SH3D19: variants seen among roughly 807,000 people sequenced by gnomAD.
SH3D19 encodes SH3 domain-containing protein 19.
SH3D19 carries 58 observed loss-of-function variants against 112.1 expected under a neutral mutation model. That is an observed-to-expected ratio of 0.52 (90% CI 0.42 to 0.64). SH3D19 has a LOEUF of 0.64. SH3D19 is among the 30% of genes least tolerant of loss of function. The pLI is 0.00. For missense variants in SH3D19, 1,090 were observed against 1,263.4 expected, an observed-to-expected ratio of 0.86 and a Z score of 2.08; for synonymous variants, 391 against 448.5, an observed-to-expected ratio of 0.87 and a Z score of 1.62.
At chr4:151,187,060 C>T (rs1269906896) in intron 3 of SH3D19, among the ~76,000 whole-genome samples, 2 of 151,778 alleles carry the variant, frequency 1.3e-5, no homozygotes, top group Non-Finnish European at 2.9e-5. Context: ...TCCCAAAGTG[C>T]TGGGATTACA....
intron 1 of SH3D19, among the ~76,000 whole-genome samples, chr4:151,270,283 CTGAA>C (rs1244941752): frequency 6.6e-6 from 1 of 152,098 alleles, no homozygotes; most frequent in Non-Finnish European, 1.5e-5. Flanking sequence ...TGAGTTTCTC[CTGAA>C]TGGTTTATTA....
intron 7 of SH3D19, among the ~76,000 whole-genome samples, chr4:151,171,661 T>G (rs1380000529): frequency 6.6e-6 from 1 of 152,204 alleles, no homozygotes; most frequent in African/African-American, 2.4e-5. Flanking sequence ...CCATTACCTG[T>G]CTCTAATAAT....
chr4:151,300,376 A>C (rs1322727428), intron 1 of SH3D19: 1 of 152,212 alleles, frequency 6.6e-6, no homozygotes, highest in Non-Finnish European at 1.5e-5. Context: ...AAAAACATTT[A>C]GCAAATACTG....
chr4:151,196,552 ATTT>A (rs1357833572), intron 2 of SH3D19, among the ~76,000 whole-genome samples: 1 of 152,084 alleles, frequency 6.6e-6, no homozygotes, highest in Admixed American at 6.5e-5. Context: ...AAAATCTGCT[ATTT>A]ATAGTATTAG....
At chr4:151,168,515 G>C (rs2407438) in intron 7 of SH3D19, among the ~76,000 whole-genome samples, 108,412 of 151,694 alleles carry the variant, frequency 0.71, 43,880 homozygotes, top group Non-Finnish European at 0.91. Context: ...ACTCATTGCA[G>C]CCTCAACCTC....
intron 1 of SH3D19, among the ~76,000 whole-genome samples, chr4:151,236,204 C>T (rs1341100980): frequency 6.6e-6 from 1 of 152,252 alleles, no homozygotes; most frequent in Non-Finnish European, 1.5e-5. Flanking sequence ...TGGGGCTGGC[C>T]GAGGCCAGAG....
intron 18 of SH3D19, 96 bp from the exon 19 acceptor site, chr4:151,127,811 CACAG>C: frequency 1.6e-6 from 1 of 616,706 alleles, no homozygotes; most frequent in Non-Finnish European, 2.6e-6. Flanking sequence ...GCTCTAAAAA[CACAG>C]TATCTTCTCT....
rs1489752895 is a variant in SH3D19, at chr4:151,128,157, G to A, written c.2929+13C>T. On this transcript the variant is annotated intron_variant, in intron 18 of 19. Coordinates refer to ENST00000604030, the MANE Select transcript of SH3D19 (RefSeq NM_001378122.1). ...CCGTGAGGAGTCGCATTCATGTCTT[G>A]CGGTTGTCATACCTGGGCAGGGCCT... The A allele has an allele frequency of 1.9e-6, 3 of 1,582,666 alleles. No homozygotes were observed. The highest frequency in any genetic ancestry group is 1.4e-5 in the African/African-American group (1 of 73,758).
intron 17 of SH3D19, among the ~76,000 whole-genome samples, chr4:151,130,755 G>C (rs890283548): frequency 6.6e-6 from 1 of 152,052 alleles, no homozygotes; most frequent in Non-Finnish European, 1.5e-5. Context: ...GCCTGGCCAA[G>C]ACGGTAAAAC....
At chr4:151,291,552 T>A (rs13102005) in intron 1 of SH3D19, 315,295 of 774,128 alleles carry the variant, frequency 0.41, 66,435 homozygotes, top group Admixed American at 0.44. Flanking sequence ...GGGGTTGGAA[T>A]GTGAAGAGTT....
Position 151,278,453 on chromosome 4 carries a change from G to GA in SH3D19, c.112+46787dup, listed in dbSNP as rs375077069. ...CTGTTGTGTTTGTGGCCCAAAAGAAGAAAAAAAAAACCCTGACTAGTATTT... is the reference window on the plus strand; with the variant it reads ...CTGTTGTGTTTGTGGCCCAAAAGAAGAAAAAAAAAAACCCTGACTAGTATTT... On this transcript the variant is annotated intron_variant, in intron 1 of 19. Transcript: ENST00000604030. Among the ~76,000 whole-genome samples, 839 of 141,942 alleles carry GA rather than the reference G, an allele frequency of 5.9e-3. 2 individuals carry two copies. Among genetic ancestry groups the GA allele is most frequent in the African/African-American group, 0.019 (751 of 38,624 alleles). The allele number at this position is 141,942 out of a possible 152,430, so 93.1% of individuals were successfully genotyped here. A position where few individuals can be genotyped will look rare whatever the true frequency, so the allele number is the denominator to read the frequency against.
At chr4:151,241,786 G>A (rs1770579047) in intron 1 of SH3D19, among the ~76,000 whole-genome samples, 1 of 151,956 alleles carries the variant, frequency 6.6e-6, no homozygotes. Context: ...GATTAAATGA[G>A]TGAATGGTTG....
intron 9 of SH3D19, among the ~76,000 whole-genome samples, chr4:151,158,563 G>A (rs1488194656): frequency 6.6e-6 from 1 of 151,858 alleles, no homozygotes; most frequent in East Asian, 1.9e-4. Flanking sequence ...GCCTCCCAAA[G>A]TGCTGGGATT....
intron 2 of SH3D19, among the ~76,000 whole-genome samples, chr4:151,203,127 G>A (rs547113888): frequency 6.6e-6 from 1 of 152,230 alleles, no homozygotes; most frequent in African/African-American, 2.4e-5. Context: ...CATTCCCACA[G>A]GCCACAGTCC....
At chr4:151,128,820 AT>A (rs1227677776) in intron 17 of SH3D19, among the ~76,000 whole-genome samples, 1 of 151,804 alleles carries the variant, frequency 6.6e-6, no homozygotes, top group Non-Finnish European at 1.5e-5. Flanking sequence ...ATTTTATTTT[AT>A]TTTTGCAGAA....
chr4:151,212,586 T>C (rs538333407), intron 2 of SH3D19, among the ~76,000 whole-genome samples: 1 of 152,352 alleles, frequency 6.6e-6, no homozygotes, highest in East Asian at 1.9e-4. Flanking sequence ...TCTTGAGACC[T>C]ATTGCTCAGG....
At chr4:151,274,838 G>C (rs751143602) in intron 1 of SH3D19, among the ~76,000 whole-genome samples, 7 of 152,150 alleles carry the variant, frequency 4.6e-5, no homozygotes, top group Admixed American at 6.5e-5. Flanking sequence ...CAAGATCAAG[G>C]TATCAGCATG....
At chr4:151,154,425 C>T (rs191800909) in intron 9 of SH3D19, among the ~76,000 whole-genome samples, 7 of 146,776 alleles carry the variant, frequency 4.8e-5, no homozygotes, top group East Asian at 2.0e-4. Flanking sequence ...TGAACCATTG[C>T]GCCCGGCCCA....
rs148049644 is a variant in SH3D19, at chr4:151,244,324, C to G, written c.113-18238G>C. On this transcript the variant is annotated intron_variant, in intron 1 of 19. Coordinates refer to ENST00000604030, the MANE Select transcript of SH3D19 (RefSeq NM_001378122.1). ...TTAGTATATGAATTTGGAGAACAAG[C>G]CTTTAGATTTTAGAGAAATTGTTCA... 5.4e-3 allele frequency among the ~76,000 whole-genome samples: 828 copies of G among 152,196 alleles called. 6 individuals carry two copies. Among genetic ancestry groups the G allele is most frequent in the African/African-American group, 0.018 (731 of 41,518 alleles).
Sources: gnomAD v4.1 joint callset for allele counts (sites outside exome capture counted in the v4.1 genomes callset) on GRCh38, gnomAD v4.1.1 for gene constraint, MANE v1.5 for transcripts, NCBI Gene and HGNC (gene_info 2026-07-23, HGNC 2026-07-21) for gene names.